DLG2: variants seen among roughly 807,000 people sequenced by gnomAD.
DLG2 encodes discs large MAGUK scaffold protein 2.
In DLG2, 45 loss-of-function variants were observed where a neutral mutation model predicts 132.5. The ratio of observed to expected loss-of-function variants is 0.34; its 90% CI spans 0.27 to 0.44. The LOEUF is 0.44. Ranked by LOEUF, DLG2 falls within the 20% of genes least tolerant of loss-of-function variation. The pLI is 1.00. For missense variants in DLG2, 1,045 were observed against 1,196.9 expected (o/e 0.87, Z 1.87); for synonymous variants, 424 against 419.6 (o/e 1.01, Z -0.13).
At chr11:85,139,515 G>A (rs2076327792) in intron 5 of DLG2, among the ~76,000 whole-genome samples, 1 of 151,618 alleles carries the variant, frequency 6.6e-6, no homozygotes, top group Non-Finnish European at 1.5e-5. Context: ...AATTGTATTG[G>A]GAATAATTAA....
intron 3 of DLG2, among the ~76,000 whole-genome samples, chr11:85,304,443 G>C (rs562284858): frequency 6.6e-6 from 1 of 152,020 alleles, no homozygotes; most frequent in Non-Finnish European, 1.5e-5. Context: ...CTAACTGAAG[G>C]TCCAAGAATT....
intron 3 of DLG2, among the ~76,000 whole-genome samples, chr11:85,458,074 G>C (rs2092478079): frequency 6.6e-6 from 1 of 152,132 alleles, no homozygotes; most frequent in African/African-American, 2.4e-5. Context: ...GGACAACAGT[G>C]AGTCATAGAT....
chr11:85,497,113 A>C (rs1480388810), intron 3 of DLG2, among the ~76,000 whole-genome samples: 1 of 152,070 alleles, frequency 6.6e-6, no homozygotes, highest in Non-Finnish European at 1.5e-5. Flanking sequence ...TCAGAAAGTC[A>C]CTAATAACAA....
At chr11:84,874,779 C>T (rs554693156) in intron 6 of DLG2, among the ~76,000 whole-genome samples, 3 of 152,012 alleles carry the variant, frequency 2.0e-5, no homozygotes, top group Admixed American at 6.6e-5. Context: ...CCAGCACTTC[C>T]GGAGGCCGAG....
At position 85,347,110 on chromosome 11, in the gene DLG2, T is replaced by C. The variant is rs181114243; in HGVS notation, c.41-61745A>G. Among the ~76,000 whole-genome samples the C allele has an allele frequency of 5.8e-4, 88 of 152,246 alleles. 1 individual carries two copies. Among genetic ancestry groups the C allele is most frequent in the Non-Finnish European group, 7.3e-5 (5 of 68,034 alleles). The stretch of plus-strand genomic sequence containing the variant: ...GAAACAATATAGATGTATGTATGTA[T>C]AATGTATATATTCTTGTTCCACTTT... On this transcript the variant is annotated intron_variant, in intron 3 of 27. Coordinates refer to ENST00000376104, the MANE Select transcript of DLG2 (RefSeq NM_001142699.3).
chr11:83,597,842 G>C (rs2057887758), intron 19 of DLG2, among the ~76,000 whole-genome samples: 1 of 152,020 alleles, frequency 6.6e-6, no homozygotes, highest in Admixed American at 6.6e-5. Flanking sequence ...CTGGCTTATA[G>C]AATAAAAATA....
intron 7 of DLG2, among the ~76,000 whole-genome samples, chr11:84,443,301 A>G (rs987016914): frequency 6.6e-6 from 1 of 152,200 alleles, no homozygotes; most frequent in Admixed American, 6.6e-5. Context: ...TTTTTAAGAA[A>G]TAAGTTCTTC....
Position 84,893,821 on chromosome 11 carries a change from A to G in DLG2, c.357+217840T>C, listed in dbSNP as rs147995021. 1.4e-3 allele frequency among the ~76,000 whole-genome samples: 210 copies of G among 152,320 alleles called. 1 individual carries two copies. The highest frequency in any genetic ancestry group is 4.7e-3 in the African/African-American group (196 of 41,568). Reference sequence around the variant, plus strand: ...TATTAATATCTTACAAGGTGATTGTATAGTCAATTAATAAGTATTTACAGG... The same window carrying G: ...TATTAATATCTTACAAGGTGATTGTGTAGTCAATTAATAAGTATTTACAGG... On this transcript the variant is annotated intron_variant, in intron 6 of 27. Coordinates refer to ENST00000376104, the MANE Select transcript of DLG2 (RefSeq NM_001142699.3).
At chr11:83,687,014 T>C (rs1319910428) in intron 18 of DLG2, among the ~76,000 whole-genome samples, 1 of 152,132 alleles carries the variant, frequency 6.6e-6, no homozygotes, top group Non-Finnish European at 1.5e-5. Context: ...AACAGGAAAT[T>C]TGAGCACAGA....
rs375108221 is a variant in DLG2 at position 83,952,734 on chromosome 11, C to T, written c.1340+10151G>A. Among the ~76,000 whole-genome samples, 24 of 151,684 alleles carry T rather than the reference C, an allele frequency of 1.6e-4. No homozygotes were observed. The East Asian group carries it at 4.4e-3, about 28-fold the overall frequency. ...ATTGCACATAGTATGGTCCAAATTA[C>T]ATGAATAAACATACAGACATGGAAA... is the stretch of plus-strand genomic sequence containing the variant. On this transcript the variant is annotated intron_variant, in intron 14 of 27. Coordinates refer to ENST00000376104, the MANE Select transcript of DLG2 (RefSeq NM_001142699.3).
At chr11:83,699,979 G>A (rs983122663) in intron 18 of DLG2, among the ~76,000 whole-genome samples, 1 of 149,796 alleles carries the variant, frequency 6.7e-6, no homozygotes, top group Non-Finnish European at 1.5e-5. Context: ...ACAGTTTGCT[G>A]CATTTGCAAA....
At chr11:85,072,817 C>T (rs979871172) in intron 6 of DLG2, among the ~76,000 whole-genome samples, 1 of 151,818 alleles carries the variant, frequency 6.6e-6, no homozygotes, top group Admixed American at 6.6e-5. Context: ...ATGCCATCTA[C>T]AAATCTGGCT....
At chr11:85,602,347 G>C (rs557591203) in intron 2 of DLG2, among the ~76,000 whole-genome samples, 4 of 152,160 alleles carry the variant, frequency 2.6e-5, no homozygotes, top group Admixed American at 2.0e-4. Context: ...TGTTCTACTA[G>C]TTTACATGCT....
intron 7 of DLG2, among the ~76,000 whole-genome samples, chr11:84,523,430 C>G (rs567871134): frequency 6.6e-6 from 1 of 152,280 alleles, no homozygotes; most frequent in South Asian, 2.1e-4. Flanking sequence ...TATGCTATTA[C>G]TTTTCTGGAT....
chr11:84,031,399 G>A (rs539993202), intron 11 of DLG2, among the ~76,000 whole-genome samples: 28 of 152,196 alleles, frequency 1.8e-4, no homozygotes, highest in African/African-American at 4.6e-4. Flanking sequence ...GCATTTGACC[G>A]TGTTAAACTT....
At chr11:85,441,441 C>T (rs2091771740) in intron 3 of DLG2, among the ~76,000 whole-genome samples, 1 of 152,184 alleles carries the variant, frequency 6.6e-6, no homozygotes, top group East Asian at 1.9e-4. Context: ...TCCTTTTCCT[C>T]CCTTCTGCCA....
intron 6 of DLG2, among the ~76,000 whole-genome samples, chr11:84,734,669 A>C (rs886568773): frequency 3.3e-5 from 5 of 152,104 alleles, no homozygotes; most frequent in Non-Finnish European, 1.5e-5. Flanking sequence ...AACTTCCAAC[A>C]CTATGTTGAA....
intron 3 of DLG2, among the ~76,000 whole-genome samples, chr11:85,353,687 A>G (rs900247886): frequency 5.3e-5 from 8 of 152,148 alleles, no homozygotes; most frequent in Non-Finnish European, 1.2e-4. Flanking sequence ...TGTCCTTTGT[A>G]GGGACATGGA....
At chr11:85,263,162 C>T (rs2077030532) in intron 4 of DLG2, among the ~76,000 whole-genome samples, 1 of 152,238 alleles carries the variant, frequency 6.6e-6, no homozygotes, top group Admixed American at 6.5e-5. Flanking sequence ...TAGGGCCTTA[C>T]ACTGGATGAA....
Sources: gnomAD v4.1 joint callset for allele counts (sites outside exome capture counted in the v4.1 genomes callset) on GRCh38, gnomAD v4.1.1 for gene constraint, MANE v1.5 for transcripts, NCBI Gene and HGNC (gene_info 2026-07-23, HGNC 2026-07-21) for gene names.